Variants in DNAH3 observed in about 807,000 individuals in gnomAD.
DNAH3 encodes the protein dynein axonemal heavy chain 3.
A neutral mutation model predicts 432.5 loss-of-function variants in DNAH3; 332 were observed. The ratio of observed to expected loss-of-function variants is 0.77; its 90% CI spans 0.70 to 0.84. DNAH3 has a LOEUF of 0.84. Ranked by LOEUF, DNAH3 falls within the 40% of genes least tolerant of loss-of-function variation. The pLI is 0.00. For missense variants in DNAH3, 4,861 were observed against 5,114.0 expected (o/e 0.95, Z 1.51); for synonymous variants, 1,956 against 1,900.2 (o/e 1.03, Z -0.76).
chr16:20,968,706 G>A (rs537907587), intron 52 of DNAH3, among the ~76,000 whole-genome samples: 14 of 150,636 alleles, frequency 9.3e-5, no homozygotes, highest in East Asian at 5.9e-4. Context: ...CTCCATTGCC[G>A]TCTCTGCCTC....
intron 1 of DNAH3, among the ~76,000 whole-genome samples, chr16:21,155,486 G>T (rs1258079826): frequency 1.3e-5 from 2 of 151,836 alleles, no homozygotes; most frequent in African/African-American, 4.8e-5. Context: ...GCTGGGCGTG[G>T]CGGCACATGC....
intron 12 of DNAH3, among the ~76,000 whole-genome samples, chr16:21,112,317 A>C: frequency 6.6e-6 from 1 of 152,142 alleles, no homozygotes; most frequent in East Asian, 1.9e-4. Flanking sequence ...CTTAGACAAG[A>C]TATTTCAGTT....
chr16:20,985,157 T>A lies in DNAH3; in HGVS notation c.7585A>T (p.Lys2529Ter). The A allele has an allele frequency of 6.2e-7, 1 of 1,614,202 alleles. No homozygotes were observed. Among genetic ancestry groups the A allele is most frequent in the Non-Finnish European group, 8.5e-7 (1 of 1,180,044 alleles). ...TGGGTCCTGGCTGCAGTCTGCATCT[T>A]CTCCACGATGTCAGCCTTCTCGTCA... is the stretch of plus-strand genomic sequence containing the variant. The change falls in exon 48 of 62, where the codon AAG becomes TAG. Residue 2529 changes from lysine to a stop codon, truncating the protein, a stop_gained. Coordinates refer to ENST00000261383, the Ensembl canonical transcript of DNAH3. LOFTEE classifies it high-confidence loss of function.
chr16:20,983,246 T>C (rs9936012), intron 48 of DNAH3, among the ~76,000 whole-genome samples: 42,037 of 152,004 alleles, frequency 0.28, 6,427 homozygotes, highest in South Asian at 0.46. Flanking sequence ...CTGCCTCAGC[T>C]TCCTGAGTAG....
intron 18 of DNAH3, among the ~76,000 whole-genome samples, chr16:21,096,226 T>C (rs2091675425): frequency 6.6e-6 from 1 of 151,902 alleles, no homozygotes; most frequent in Non-Finnish European, 1.5e-5. Flanking sequence ...CTTGATCTCC[T>C]GGGCTCAAGC....
intron 44 of DNAH3, among the ~76,000 whole-genome samples, chr16:20,995,947 C>T (rs986200089): frequency 2.6e-5 from 4 of 152,240 alleles, no homozygotes; most frequent in South Asian, 2.1e-4. Context: ...CATTCCTTCC[C>T]GCTGCGTTCT....
intron 1 of DNAH3, among the ~76,000 whole-genome samples, chr16:21,154,053 C>G (rs900279736): frequency 5.9e-5 from 9 of 152,204 alleles, no homozygotes; most frequent in South Asian, 4.1e-4. Flanking sequence ...GTCTCCTATA[C>G]TGGGTGTGAA....
chr16:21,112,123 CAAACACACAAATAT>C, intron 12 of DNAH3, 25 bp from the exon 13 acceptor site: 1 of 1,485,496 alleles, frequency 6.7e-7, no homozygotes, highest in Non-Finnish European at 9.3e-7. Flanking sequence ...GGTGTGAAAT[CAAACACACAAATAT>C]AAGTCAACCA....
intron 41 of DNAH3, among the ~76,000 whole-genome samples, chr16:21,007,148 G>A (rs1248236061): frequency 8.6e-5 from 13 of 150,992 alleles, no homozygotes; most frequent in Admixed American, 8.6e-4. Context: ...GTTTTAATTT[G>A]CATTTCCCTG....
chr16:21,020,397 A>ATATTT (rs1555530020), intron 40 of DNAH3, among the ~76,000 whole-genome samples: 32 of 34,588 alleles, frequency 9.3e-4, no homozygotes, highest in Non-Finnish European at 9.7e-4. Context: ...ATATATATAT[A>ATATTT]TTTTTTTTTT....
intron 31 of DNAH3, among the ~76,000 whole-genome samples, chr16:21,047,308 T>A (rs2089745949): frequency 6.8e-6 from 1 of 148,126 alleles, no homozygotes; most frequent in African/African-American, 2.5e-5. Context: ...CACTTTCAGG[T>A]ACACCAATCA....
chr16:21,073,024 C>A (rs1030445760), intron 21 of DNAH3, among the ~76,000 whole-genome samples: 3 of 151,984 alleles, frequency 2.0e-5, no homozygotes, highest in African/African-American at 7.3e-5. Flanking sequence ...CTAAGGTGTG[C>A]CTTAAAGGCC....
At chr16:21,040,386 T>TTTTTTA (rs2089384540) in intron 32 of DNAH3, among the ~76,000 whole-genome samples, 1 of 123,426 alleles carries the variant, frequency 8.1e-6, no homozygotes, top group African/African-American at 3.3e-5. Flanking sequence ...TTTTTTTTTT[T>TTTTTTA]AAGACAGAGT....
rs373269176 is a variant in DNAH3, at chr16:21,153,343, T to C, written c.117+5982A>G. Among the ~76,000 whole-genome samples the C allele has an allele frequency of 1.3e-4, 20 of 152,138 alleles. 1 individual carries two copies. The South Asian group carries it at 3.9e-3, about 30-fold the overall frequency. ...CCAATCCACACTCTGTATCTAGCTA[T>C]TCTGGTGGGGCCTTGGAGAACCTTT... On this transcript the variant is annotated intron_variant, in intron 1 of 61. Transcript: ENST00000261383.
In DNAH3 at chr16:20,933,302, G is replaced by C. The variant is rs757021423; in HGVS notation, c.12203C>G (p.Pro4068Arg). The change falls in exon 62 of 62, where the codon CCA becomes CGA. Residue 4068 changes from proline (P) to arginine (R), a missense_variant. Coordinates refer to ENST00000261383, the Ensembl canonical transcript of DNAH3. The stretch of plus-strand genomic sequence containing the variant: ...TCTGCGGGCACTTGTTTTGTAGACT[G>C]GACACACATAGATGTCCTGATGCAG... The C allele has an allele frequency of 1.9e-6, 3 of 1,614,178 alleles. No individual in the cohort carries two copies. The highest frequency in any genetic ancestry group is 2.5e-6 in the Non-Finnish European group (3 of 1,180,042).
chr16:20,959,166 G>C lies in DNAH3; in HGVS notation c.10826+13C>G, dbSNP rs1282549185. ...TGGGTCCCAGAGAAGGCAGTGGTGG[G>C]ACAGCATCTCACCTGAATCTGGCAT... On this transcript the variant is annotated intron_variant, in intron 54 of 61. Transcript: ENST00000261383. 6.2e-7 allele frequency: 1 copy of C among 1,613,018 alleles called. No homozygotes were observed. The highest frequency in any genetic ancestry group is 1.7e-5 in the Admixed American group (1 of 60,010).
intron 51 of DNAH3, among the ~76,000 whole-genome samples, chr16:20,974,579 GTTTTTTTT>G (rs752437227): frequency 2.4e-5 from 2 of 81,830 alleles, no homozygotes; most frequent in Non-Finnish European, 4.3e-5. Context: ...GTTTTATAGT[GTTTTTTTT>G]TTTTTTTTTT....
chr16:20,943,780 A>G (rs1010836231), intron 58 of DNAH3, among the ~76,000 whole-genome samples: 1 of 152,186 alleles, frequency 6.6e-6, no homozygotes, highest in Non-Finnish European at 1.5e-5. Flanking sequence ...CAGGAGTTTG[A>G]GACGATCCTG....
At chr16:21,104,429 G>T (rs1337590054) in intron 16 of DNAH3, 42 bp downstream of exon 16, 2 of 1,560,188 alleles carry the variant, frequency 1.3e-6, no homozygotes, top group Non-Finnish European at 8.8e-7. Flanking sequence ...GGGTGAAGAA[G>T]TCAGGTCTCA....
Sources: gnomAD v4.1 joint callset for allele counts (sites outside exome capture counted in the v4.1 genomes callset) on GRCh38, gnomAD v4.1.1 for gene constraint, MANE v1.5 for transcripts, NCBI Gene and HGNC (gene_info 2026-07-23, HGNC 2026-07-21) for gene names.